Variants in VIT observed in about 807,000 individuals in gnomAD.
The protein encoded by VIT is vitrin.
Under a neutral mutation model 78.0 loss-of-function variants are expected in VIT, and 99 were observed. That is an observed-to-expected ratio of 1.27 (90% CI 1.08 to 1.50). The LOEUF is 1.50. Among genes scored for constraint, VIT ranks in the 40% most tolerant of loss-of-function variants. The pLI, the probability that VIT is intolerant of heterozygous loss-of-function variation, is 0.00. For synonymous variants in VIT, 374 were observed against 334.3 expected, an observed-to-expected ratio of 1.12 and a Z score of -1.29; for missense variants, 1,126 against 875.3, an observed-to-expected ratio of 1.29 and a Z score of -3.61.
At chr2:36,796,913 A>G (rs1249449441) in intron 12 of VIT, among the ~76,000 whole-genome samples, 2 of 152,206 alleles carry the variant, frequency 1.3e-5, no homozygotes, top group Non-Finnish European at 2.9e-5. Context: ...TCTAGCCCAC[A>G]AATCATTTTC....
intron 3 of VIT, among the ~76,000 whole-genome samples, chr2:36,742,188 T>G (rs1377367821): frequency 6.6e-6 from 1 of 152,156 alleles, no homozygotes; most frequent in Non-Finnish European, 1.5e-5. Flanking sequence ...CTGGAGTTAT[T>G]GAGGAAAAAT....
At chr2:36,770,742 TCTA>T (rs1313952743) in intron 7 of VIT, among the ~76,000 whole-genome samples, 1 of 152,202 alleles carries the variant, frequency 6.6e-6, no homozygotes, top group East Asian at 1.9e-4. Context: ...TCTGGGTGAA[TCTA>T]CCACAGGCTA....
At chr2:36,781,947 AG>A (rs1186694366) in intron 10 of VIT, among the ~76,000 whole-genome samples, 176 bp downstream of exon 10, 5 of 151,974 alleles carry the variant, frequency 3.3e-5, no homozygotes, top group Admixed American at 2.6e-4. Context: ...CTCCCTCCCT[AG>A]GGAGGCCTGG....
chr2:36,760,819 C>G (rs1572491119), intron 6 of VIT, among the ~76,000 whole-genome samples: 1 of 152,300 alleles, frequency 6.6e-6, no homozygotes, highest in African/African-American at 2.4e-5. Flanking sequence ...TGGGGCAGCC[C>G]CTTCCCACAG....
In VIT at chr2:36,754,499, C is replaced by CA. The variant is rs556904138; in HGVS notation, c.276-413dup. Among the ~76,000 whole-genome samples the CA allele has an allele frequency of 9.4e-5, 14 of 149,484 alleles. No homozygotes were observed. The South Asian group carries it at 1.5e-3, about 16-fold the overall frequency. ...AGCTGCACAGCTTTCCTCCCTGACC[C>CA]AAAAAAAAAGGAGTGTTTACTTTTC... On this transcript the variant is annotated intron_variant, in intron 4 of 15. Coordinates refer to ENST00000379242, the MANE Select transcript of VIT (RefSeq NM_053276.4).
At chr2:36,711,628 G>A (rs573710230) in intron 1 of VIT, among the ~76,000 whole-genome samples, 6 of 152,322 alleles carry the variant, frequency 3.9e-5, no homozygotes, top group East Asian at 1.9e-4. Context: ...CCCAACAAAC[G>A]TGTATCGTTG....
Position 36,743,641 on chromosome 2 carries a change from C to T in VIT, c.275+385C>T, listed in dbSNP as rs528670483. On this transcript the variant is annotated intron_variant, in intron 4 of 15. Coordinates refer to ENST00000379242, the MANE Select transcript of VIT (RefSeq NM_053276.4). ...TCTTGTGGAGTTTTCTTTGTTATCC[C>T]GATTGAGAGTCATAGAGCTTAAATA... 1.1e-3 allele frequency among the ~76,000 whole-genome samples: 171 copies of T among 152,140 alleles called. 2 individuals are homozygous for T. Among genetic ancestry groups the T allele is most frequent in the Middle Eastern group, 0.01 (3 of 294 alleles).
intron 5 of VIT, among the ~76,000 whole-genome samples, chr2:36,758,542 T>C (rs1014711672): frequency 6.6e-6 from 1 of 152,232 alleles, no homozygotes; most frequent in African/African-American, 2.4e-5. Context: ...TGCTATGAAA[T>C]TCAAATGAAT....
chr2:36,703,640 C>A (rs548187223), intron 1 of VIT, among the ~76,000 whole-genome samples: 1 of 152,130 alleles, frequency 6.6e-6, no homozygotes, highest in African/African-American at 2.4e-5. Context: ...TCAAATATGA[C>A]GCTTGAAAAA....
chr2:36,714,135 G>C (rs1449271745), intron 1 of VIT, among the ~76,000 whole-genome samples: 6 of 152,082 alleles, frequency 3.9e-5, no homozygotes, highest in Non-Finnish European at 8.8e-5. Context: ...GTTCTGTTTG[G>C]GGTTACTCTT....
intron 6 of VIT, among the ~76,000 whole-genome samples, chr2:36,762,895 T>A (rs990479154): frequency 6.6e-6 from 1 of 151,820 alleles, no homozygotes; most frequent in Non-Finnish European, 1.5e-5. Context: ...TAAATACTGT[T>A]CCCCCACCAC....
At chr2:36,812,390 A>T (rs1297154477) in intron 15 of VIT, among the ~76,000 whole-genome samples, 1 of 151,946 alleles carries the variant, frequency 6.6e-6, no homozygotes, top group Non-Finnish European at 1.5e-5. Flanking sequence ...TACCCTACTC[A>T]GACCAGCCTG....
chr2:36,760,790 C>T (rs759280173), intron 6 of VIT, among the ~76,000 whole-genome samples: 41 of 152,194 alleles, frequency 2.7e-4, no homozygotes, highest in Non-Finnish European at 4.6e-4. Context: ...GATACGGATG[C>T]CTGGTTCCAG....
chr2:36,716,513 G>A, intron 2 of VIT, 91 bp downstream of exon 2: 1 of 1,126,260 alleles, frequency 8.9e-7, no homozygotes, highest in African/African-American at 1.5e-5. Context: ...AACCAAGACA[G>A]AGCATATAAA....
chr2:36,806,998 C>T (rs1032477835), intron 14 of VIT, among the ~76,000 whole-genome samples: 3 of 152,140 alleles, frequency 2.0e-5, no homozygotes, highest in African/African-American at 7.2e-5. Flanking sequence ...CTGTTTCCTC[C>T]TCTGGACTTT....
intron 1 of VIT, among the ~76,000 whole-genome samples, chr2:36,700,718 A>G (rs1026075870): frequency 1.1e-4 from 17 of 150,790 alleles, no homozygotes; most frequent in Admixed American, 3.3e-4. Context: ...CCTGGGTGAC[A>G]CAGCAAGACC....
chr2:36,724,784 T>C (rs1280757703), intron 2 of VIT, among the ~76,000 whole-genome samples: 1 of 152,236 alleles, frequency 6.6e-6, no homozygotes, highest in African/African-American at 2.4e-5. Context: ...AAAATATTTA[T>C]AGTCCTAATG....
chr2:36,804,498 C>T (rs1048452672), intron 13 of VIT, among the ~76,000 whole-genome samples: 8 of 152,158 alleles, frequency 5.3e-5, no homozygotes, highest in African/African-American at 1.9e-4. Flanking sequence ...GGCTTAGGGG[C>T]TTAGTGTGGG....
chr2:36,713,707 C>T (rs1047771162), intron 1 of VIT, among the ~76,000 whole-genome samples: 104 of 152,178 alleles, frequency 6.8e-4, no homozygotes, highest in Non-Finnish European at 2.5e-4. Flanking sequence ...TTGAATATAG[C>T]GCCAACAGGA....
Sources: allele counts gnomAD v4.1 joint callset (sites outside exome capture counted in the v4.1 genomes callset), GRCh38; gene constraint gnomAD v4.1.1; transcripts MANE v1.5; gene names NCBI Gene and HGNC (gene_info 2026-07-23, HGNC 2026-07-21).